MGAT4D: variants seen among roughly 807,000 people sequenced by gnomAD.
MGAT4D encodes MGAT4 family member D, also known as alpha-1,3-mannosyl-glycoprotein 4-beta-N-acetylglucosaminyltransferase-like protein MGAT4D.
Under a neutral mutation model 15.9 loss-of-function variants are expected in MGAT4D, and 34 were observed. The observed-to-expected ratio is 2.14, with a 90% CI of 1.62 to 2.84. MGAT4D has a LOEUF of 2.84. MGAT4D is among the 30% of genes most tolerant of loss of function. MGAT4D has a pLI of 0.00. For synonymous variants in MGAT4D, 112 were observed against 48.2 expected (o/e 2.33, Z -5.49); for missense variants, 327 against 140.2 (o/e 2.33, Z -6.73).
intron 2 of MGAT4D, among the ~76,000 whole-genome samples, chr4:140,481,934 T>C (rs1293774982): frequency 6.6e-6 from 1 of 152,248 alleles, no homozygotes; most frequent in Non-Finnish European, 1.5e-5. Flanking sequence ...GAAGGTTGCC[T>C]GACTAATGTA....
intron 8 of MGAT4D, chr4:140,459,005 G>A (rs1216703448): frequency 2.0e-5 from 3 of 152,020 alleles, no homozygotes; most frequent in African/African-American, 4.8e-5. Context: ...ATCTAAGGAA[G>A]GGTAGTAAAA....
intron 10 of MGAT4D, chr4:140,450,166 T>A (rs11937380): frequency 0.17 from 54,309 of 316,334 alleles, 4,981 homozygotes; most frequent in South Asian, 0.29. Context: ...ACATTTGACA[T>A]ATTATTAAAT....
At chr4:140,464,816 A>T (rs1045916423) in intron 6 of MGAT4D, 80 bp downstream of exon 6, 1 of 675,998 alleles carries the variant, frequency 1.5e-6, no homozygotes, top group Non-Finnish European at 2.7e-6. Context: ...TGTCTGAAAT[A>T]GTTTCTAATA....
rs1730469739 is a variant in MGAT4D at position 140,451,457 on chromosome 4, G to A, written c.1069C>T (p.His357Tyr). The A allele has an allele frequency of 1.6e-6, 1 of 632,620 alleles. No individual in the cohort carries two copies. Among genetic ancestry groups the A allele is most frequent in the Non-Finnish European group, 2.9e-6 (1 of 346,024 alleles). The allele number at this position is 632,620 out of a possible 1,614,324, so 39.2% of individuals were successfully genotyped here. Residue 357 changes from histidine to tyrosine, a missense_variant, in exon 10 of 11, where the codon CAT (histidine) becomes TAT (tyrosine). His to Tyr is a moderately conservative substitution (Grantham distance 83, BLOSUM62 2). Transcript: ENST00000511113. ...RIQYKPSLFQHVGIHSSFPRK... is the reference protein window; with the variant it reads ...RIQYKPSLFQYVGIHSSFPRK... ...GGGAATGATGAATGTATACCCACATGCTGGAAAAGAGAAGGTTTATACTGA... is the reference window on the plus strand; with the variant it reads ...GGGAATGATGAATGTATACCCACATACTGGAAAAGAGAAGGTTTATACTGA...
intron 9 of MGAT4D, 54 bp downstream of exon 9, chr4:140,456,535 T>C (rs1179652706): frequency 3.7e-6 from 2 of 535,070 alleles, no homozygotes; most frequent in Non-Finnish European, 6.7e-6. Context: ...GTAATTACGT[T>C]GGATAGATAA....
rs1401464440 is a variant in MGAT4D at position 140,443,428 on chromosome 4, A to C, written c.*8T>G. 6.4e-5 allele frequency: 26 copies of C among 404,220 alleles called. No individual in the cohort carries two copies. In the Admixed American group the frequency reaches 1.0e-3, roughly 16 times the overall value. 25.0% of individuals were successfully genotyped at this position (404,220 alleles called of 1,614,324 possible). ...TCCAGGTATTACAGAGTTTCTTCTTATTTATCTTCATATTTTCTGAAATGA... is the reference window on the plus strand; with the variant it reads ...TCCAGGTATTACAGAGTTTCTTCTTCTTTATCTTCATATTTTCTGAAATGA... On this transcript the variant is annotated 3_prime_UTR_variant, in exon 11 of 11. Transcript: ENST00000511113.
intron 1 of MGAT4D, among the ~76,000 whole-genome samples, chr4:140,486,735 A>G (rs1337031940): frequency 2.0e-5 from 3 of 152,268 alleles, no homozygotes; most frequent in Non-Finnish European, 4.4e-5. Context: ...TAATGAAATG[A>G]ATGGACTTGT....
At chr4:140,458,794 T>G (rs1381995210) in intron 8 of MGAT4D, 1 of 152,156 alleles carries the variant, frequency 6.6e-6, no homozygotes, top group African/African-American at 2.4e-5. Flanking sequence ...TTGAACATAT[T>G]AGAGTGAACA....
At chr4:140,494,371 C>A (rs1354050240) in intron 1 of MGAT4D, among the ~76,000 whole-genome samples, 2 of 152,156 alleles carry the variant, frequency 1.3e-5, no homozygotes, top group Non-Finnish European at 2.9e-5. Flanking sequence ...ATTGCACGCT[C>A]CTCTTTGAAA....
chr4:140,470,497 G>A (rs1330746049), intron 5 of MGAT4D, among the ~76,000 whole-genome samples: 1 of 152,220 alleles, frequency 6.6e-6, no homozygotes, highest in Non-Finnish European at 1.5e-5. Flanking sequence ...TTGCAGCCCT[G>A]GTCTACAGCA....
intron 10 of MGAT4D, among the ~76,000 whole-genome samples, chr4:140,446,639 C>A (rs1415098316): frequency 6.8e-6 from 1 of 147,604 alleles, no homozygotes; most frequent in Non-Finnish European, 1.5e-5. Flanking sequence ...ATTCATTGAT[C>A]TTTTGAATGG....
chr4:140,464,791 T>C (rs1692219444), intron 6 of MGAT4D, 105 bp downstream of exon 6: 3 of 634,274 alleles, frequency 4.7e-6, no homozygotes, highest in Non-Finnish European at 8.5e-6. Flanking sequence ...AGAAGCCAGC[T>C]CCAGAACACC....
chr4:140,461,311 T>C (rs1277924648), intron 7 of MGAT4D, among the ~76,000 whole-genome samples: 1 of 152,192 alleles, frequency 6.6e-6, no homozygotes, highest in Non-Finnish European at 1.5e-5. Context: ...TCTCTAACTT[T>C]CTCTCTAGTC....
intron 10 of MGAT4D, chr4:140,450,167 A>G (rs1730382766): frequency 3.2e-6 from 1 of 314,560 alleles, no homozygotes; most frequent in Non-Finnish European, 5.8e-6. Context: ...CATTTGACAT[A>G]TTATTAAATT....
intron 2 of MGAT4D, among the ~76,000 whole-genome samples, chr4:140,479,834 T>C (rs1042719759): frequency 5.3e-5 from 8 of 152,200 alleles, no homozygotes; most frequent in Non-Finnish European, 1.0e-4. Context: ...TAAAGTAATA[T>C]GTAATTTAAG....
At chr4:140,485,643 G>C (rs927387273) in intron 1 of MGAT4D, among the ~76,000 whole-genome samples, 1 of 149,996 alleles carries the variant, frequency 6.7e-6, no homozygotes, top group Non-Finnish European at 1.5e-5. Context: ...TGTATTCAAA[G>C]GAAATAAAGT....
intron 3 of MGAT4D, among the ~76,000 whole-genome samples, chr4:140,475,666 A>G (rs1472402981): frequency 6.6e-6 from 1 of 151,244 alleles, no homozygotes; most frequent in East Asian, 1.9e-4. Context: ...ACTGCAAAAA[A>G]AAAAAAAAAA....
chr4:140,454,113 T>C (rs1730645052), intron 9 of MGAT4D, among the ~76,000 whole-genome samples: 2 of 152,044 alleles, frequency 1.3e-5, no homozygotes, highest in African/African-American at 4.8e-5. Context: ...TTTTTCCCTT[T>C]ATTGCACTGG....
chr4:140,456,678 A>C lies in MGAT4D; in HGVS notation c.919T>G (p.Phe307Val). ...RSEDLTHFVR[F>V]FLMFYKEKPI... ...TTCTCTTTGTAGAACATTAAAAAAAACCGTACAAAGTGAGTTAAGTCCTCA... is the reference window on the plus strand; with the variant it reads ...TTCTCTTTGTAGAACATTAAAAAAACCCGTACAAAGTGAGTTAAGTCCTCA... Residue 307 changes from phenylalanine to valine, a missense_variant, in exon 9 of 11, where the codon TTT becomes GTT. By Grantham distance (50) the Phe-to-Val change is conservative. Coordinates refer to ENST00000511113, the MANE Select transcript of MGAT4D (RefSeq NM_001277353.2). The C allele has an allele frequency of 7.2e-6, 5 of 697,800 alleles. No homozygotes were observed. The highest frequency in any genetic ancestry group is 1.3e-5 in the Non-Finnish European group (5 of 382,580). 43.2% of individuals were successfully genotyped at this position (697,800 alleles called of 1,614,324 possible).
Sources: gnomAD v4.1 joint callset for allele counts (sites outside exome capture counted in the v4.1 genomes callset) on GRCh38, gnomAD v4.1.1 for gene constraint, MANE v1.5 for transcripts, NCBI Gene and HGNC (gene_info 2026-07-23, HGNC 2026-07-21) for gene names.